PTPN3: variants seen among roughly 807,000 people sequenced by gnomAD.
PTPN3 encodes the protein tyrosine-protein phosphatase non-receptor type 3.
In PTPN3, 96 loss-of-function variants were observed where a neutral mutation model predicts 132.7. That is an observed-to-expected ratio of 0.72 (90% CI 0.61 to 0.86). The LOEUF is 0.86. Among genes scored for constraint, PTPN3 ranks in the 40% least tolerant of loss-of-function variants. The pLI is 0.00. For missense variants in PTPN3, 1,125 were observed against 1,159.6 expected, an observed-to-expected ratio of 0.97 and a Z score of 0.43; for synonymous variants, 398 against 429.0, an observed-to-expected ratio of 0.93 and a Z score of 0.89.
the PTPN3 span, among the ~76,000 whole-genome samples, chr9:109,509,142 A>G: frequency 3.3e-5 from 5 of 152,188 alleles, no homozygotes; most frequent in Non-Finnish European, 7.3e-5. Flanking sequence ...TCCATATTTG[A>G]GCAGAAGAAT....
intron 2 of PTPN3, among the ~76,000 whole-genome samples, chr9:109,460,222 C>T (rs1845773428): frequency 6.6e-6 from 1 of 152,162 alleles, no homozygotes; most frequent in African/African-American, 2.4e-5. Context: ...TTGAGGCCTC[C>T]TGTTCTTTCG....
chr9:109,433,037 A>G, intron 10 of PTPN3, 36 bp downstream of exon 10: 1 of 1,607,630 alleles, frequency 6.2e-7, no homozygotes, highest in Non-Finnish European at 8.5e-7. Context: ...TTTTTAAAGC[A>G]TGATTCAGAA....
chr9:109,529,616 T>C, the PTPN3 span, among the ~76,000 whole-genome samples: 1 of 152,240 alleles, frequency 6.6e-6, no homozygotes, highest in Non-Finnish European at 1.5e-5. Flanking sequence ...GCTCTTGCTT[T>C]CTAGGCTTCT....
At chr9:109,381,532 G>T in intron 25 of PTPN3, 120 bp downstream of exon 25, 1 of 1,405,472 alleles carries the variant, frequency 7.1e-7, no homozygotes, top group Non-Finnish European at 9.9e-7. Context: ...TGTGACCTTG[G>T]GCAAGTGATT....
chr9:109,510,572 AAAAAATATAT>A, the PTPN3 span, among the ~76,000 whole-genome samples: 1 of 55,210 alleles, frequency 1.8e-5, no homozygotes, highest in African/African-American at 6.7e-5. Flanking sequence ...AAAAAAAAAA[AAAAAATATAT>A]ATATATATAT....
the PTPN3 span, among the ~76,000 whole-genome samples, chr9:109,520,933 T>C: frequency 1.3e-5 from 2 of 152,100 alleles, no homozygotes; most frequent in African/African-American, 4.8e-5. Context: ...CCACCTGTTA[T>C]TAGAGTTATC....
intron 19 of PTPN3, among the ~76,000 whole-genome samples, chr9:109,400,384 A>C (rs912447326): frequency 2.6e-5 from 4 of 152,192 alleles, no homozygotes; most frequent in Admixed American, 2.6e-4. Context: ...AAATGAACTC[A>C]CAAGATACCC....
At chr9:109,434,079 A>G (rs898391359) in intron 9 of PTPN3, among the ~76,000 whole-genome samples, 4 of 152,192 alleles carry the variant, frequency 2.6e-5, no homozygotes, top group African/African-American at 9.7e-5. Context: ...ATTTAAAAAT[A>G]AAATAGTTCC....
rs772929268 is a variant in PTPN3, at chr9:109,381,674, C to T, written c.2642G>A (p.Arg881His). Residue 881 changes from arginine to histidine, a missense_variant, in exon 25 of 26, where the codon CGC becomes CAC. Arg to His is a conservative substitution (Grantham distance 29, BLOSUM62 0). Transcript: ENST00000374541. ...LDIVRKMRDQ[R>H]AMMVQTSSQY... ...CACTGATGTCTGCACCATCATGGCG[C>T]GCTGGTCTCGCATTTTTCGGACAAT... 1.1e-5 allele frequency: 17 copies of T among 1,614,072 alleles called. No homozygotes were observed. The highest frequency in any genetic ancestry group is 3.3e-5 in the Admixed American group (2 of 59,998).
intron 7 of PTPN3, 94 bp downstream of exon 7, chr9:109,445,146 G>T: frequency 7.7e-7 from 1 of 1,300,244 alleles, no homozygotes; most frequent in Non-Finnish European, 1.1e-6. Flanking sequence ...TCCTGGGGAA[G>T]AGGGACTTGG....
intron 22 of PTPN3, among the ~76,000 whole-genome samples, chr9:109,387,448 C>T (rs1293551104): frequency 6.6e-6 from 1 of 152,148 alleles, no homozygotes; most frequent in Non-Finnish European, 1.5e-5. Flanking sequence ...ACCCAGGGGC[C>T]CCTAATGTTG....
At position 109,379,595 on chromosome 9, in the gene PTPN3, C is replaced by A; in HGVS notation, c.2703G>T (p.Val901=). 1 of 1,614,160 alleles carries A rather than the reference C, an allele frequency of 6.2e-7. No individual in the cohort carries two copies. Among genetic ancestry groups the A allele is most frequent in the Non-Finnish European group, 8.5e-7 (1 of 1,180,010 alleles). The change falls in exon 26 of 26, where the codon GTG becomes GTT. Residue 901 remains valine (V), a synonymous_variant. Coordinates refer to ENST00000374541, the MANE Select transcript of PTPN3 (RefSeq NM_002829.4). ...GCATTTGGACTAAACCTTCTTCATA[C>A]ACACGAAGAATCGCTTCACACACAA... ...YKFVCEAILR[V]YEEGLVQMLD...
chr9:109,474,718 G>A (rs59668107), intron 1 of PTPN3, among the ~76,000 whole-genome samples: 8,372 of 152,208 alleles, frequency 0.055, 357 homozygotes, highest in East Asian at 0.23. Flanking sequence ...ATCTCAGGGC[G>A]GATAAGATTA....
chr9:109,415,423 C>G (rs1007205663), intron 14 of PTPN3, among the ~76,000 whole-genome samples: 1 of 152,020 alleles, frequency 6.6e-6, no homozygotes. Context: ...TGGCAAAACA[C>G]TGATAATAAC....
At chr9:109,422,912 G>C in intron 12 of PTPN3, 60 bp from the exon 13 acceptor site, 2 of 1,566,976 alleles carry the variant, frequency 1.3e-6, no homozygotes, top group Non-Finnish European at 1.8e-6. Context: ...AGAAATTACT[G>C]CATGTGTGAA....
the PTPN3 span, among the ~76,000 whole-genome samples, chr9:109,505,038 A>C: frequency 6.6e-6 from 1 of 152,354 alleles, no homozygotes; most frequent in South Asian, 2.1e-4. Flanking sequence ...TGGCTTTGAA[A>C]AACCAGCAGT....
intron 12 of PTPN3, among the ~76,000 whole-genome samples, chr9:109,423,533 G>C (rs1199373829): frequency 6.6e-6 from 1 of 152,106 alleles, no homozygotes; most frequent in Non-Finnish European, 1.5e-5. Context: ...CTGAATCCCC[G>C]AGACAGAGGT....
intron 1 of PTPN3, among the ~76,000 whole-genome samples, chr9:109,478,562 G>C (rs1207482719): frequency 6.6e-6 from 1 of 152,206 alleles, no homozygotes; most frequent in East Asian, 1.9e-4. Context: ...AGAGCCCTGA[G>C]TTAGGGCAAA....
At chr9:109,518,520 TG>T in the PTPN3 span, among the ~76,000 whole-genome samples, 1 of 152,150 alleles carries the variant, frequency 6.6e-6, no homozygotes, top group Non-Finnish European at 1.5e-5. Context: ...GTGATCTGTG[TG>T]GTCTGGGTGC....
Sources: gnomAD v4.1 joint callset for allele counts (sites outside exome capture counted in the v4.1 genomes callset) on GRCh38, gnomAD v4.1.1 for gene constraint, MANE v1.5 for transcripts, NCBI Gene and HGNC (gene_info 2026-07-23, HGNC 2026-07-21) for gene names.